COL25A1: variants seen among roughly 807,000 people sequenced by gnomAD.
COL25A1 encodes collagen alpha-1(XXV) chain.
Under a neutral mutation model 128.4 loss-of-function variants are expected in COL25A1, and 103 were observed. The ratio of observed to expected loss-of-function variants is 0.80; its 90% CI spans 0.68 to 0.94. COL25A1 has a LOEUF of 0.94. Ranked by LOEUF, COL25A1 falls within the 40% of genes least tolerant of loss-of-function variation. COL25A1 has a pLI of 0.00. For missense variants in COL25A1, 745 were observed against 840.0 expected, an observed-to-expected ratio of 0.89 and a Z score of 1.40; for synonymous variants, 279 against 277.2, an observed-to-expected ratio of 1.01 and a Z score of -0.06.
chr4:108,977,756 A>C (rs1212025187), intron 6 of COL25A1, among the ~76,000 whole-genome samples: 1 of 152,236 alleles, frequency 6.6e-6, no homozygotes, highest in Non-Finnish European at 1.5e-5. Context: ...GAAGCTAAAT[A>C]GCCTAGTGTC....
At chr4:108,921,668 T>C (rs1392370257) in intron 11 of COL25A1, among the ~76,000 whole-genome samples, 8 of 152,206 alleles carry the variant, frequency 5.3e-5, no homozygotes. Context: ...AAATATATAA[T>C]GTTTAGGAAC....
chr4:109,300,186 A>C (rs113039804), intron 3 of COL25A1, among the ~76,000 whole-genome samples: 3,980 of 150,700 alleles, frequency 0.026, 92 homozygotes, highest in African/African-American at 0.062. Flanking sequence ...CAAAACAAAA[A>C]AAAAAAAAAA....
At chr4:109,033,586 A>G (rs1364870145) in intron 5 of COL25A1, among the ~76,000 whole-genome samples, 2 of 152,238 alleles carry the variant, frequency 1.3e-5, no homozygotes, top group African/African-American at 4.8e-5. Context: ...GTCCTGAGGA[A>G]TGGAATTTTA....
intron 3 of COL25A1, among the ~76,000 whole-genome samples, chr4:109,255,174 T>C (rs1053996282): frequency 1.3e-5 from 2 of 152,184 alleles, no homozygotes; most frequent in African/African-American, 4.8e-5. Context: ...ACAATATGAA[T>C]ATGAATTTGT....
At position 109,232,340 on chromosome 4, in the gene COL25A1, T is replaced by A. The variant is rs150075116; in HGVS notation, c.367+68243A>T. On this transcript the variant is annotated intron_variant, in intron 3 of 37. Coordinates refer to ENST00000399132, the MANE Select transcript of COL25A1 (RefSeq NM_198721.4). ...AAGATAGTTCGTATTACTATTTCAG[T>A]CAATAAAAATTACAAGATGACTTTA... Among the ~76,000 whole-genome samples the A allele has an allele frequency of 5.1e-4, 60 of 117,282 alleles. 1 individual carries two copies. The highest frequency in any genetic ancestry group is 2.1e-3 in the African/African-American group (58 of 28,072). The allele number at this position is 117,282 out of a possible 152,430, so 76.9% of individuals were successfully genotyped here.
At chr4:109,173,741 A>T (rs1184439983) in intron 3 of COL25A1, among the ~76,000 whole-genome samples, 3 of 152,160 alleles carry the variant, frequency 2.0e-5, no homozygotes, top group African/African-American at 7.2e-5. Context: ...TCAAAAACAT[A>T]ATTATTGTCA....
chr4:109,086,576 GTCTATTC>G (rs1659329047), intron 3 of COL25A1, among the ~76,000 whole-genome samples: 1 of 152,192 alleles, frequency 6.6e-6, no homozygotes, highest in African/African-American at 2.4e-5. Context: ...AAGCTCTGTA[GTCTATTC>G]TCTAATCAGC....
At chr4:108,890,604 C>T (rs950866319) in intron 16 of COL25A1, among the ~76,000 whole-genome samples, 4 of 152,076 alleles carry the variant, frequency 2.6e-5, no homozygotes, top group Non-Finnish European at 5.9e-5. Context: ...TCCTTCTAGC[C>T]CTCTCTGTCT....
intron 3 of COL25A1, among the ~76,000 whole-genome samples, chr4:109,281,774 A>C (rs2126275631): frequency 6.6e-6 from 1 of 152,336 alleles, no homozygotes; most frequent in East Asian, 1.9e-4. Flanking sequence ...ATCATTTTGA[A>C]GAAAACTGGT....
intron 3 of COL25A1, among the ~76,000 whole-genome samples, chr4:109,120,954 A>C (rs1768056415): frequency 6.6e-6 from 1 of 152,194 alleles, no homozygotes; most frequent in Non-Finnish European, 1.5e-5. Flanking sequence ...ATCAAAGAAG[A>C]ACCAAATAAA....
chr4:108,885,656 CT>C (rs1422339653), intron 18 of COL25A1, among the ~76,000 whole-genome samples: 8 of 152,038 alleles, frequency 5.3e-5, no homozygotes, highest in Non-Finnish European at 1.2e-4. Context: ...GTAAAAAGAG[CT>C]TGTACATATT....
At chr4:109,251,718 G>A (rs1456659041) in intron 3 of COL25A1, among the ~76,000 whole-genome samples, 2 of 152,188 alleles carry the variant, frequency 1.3e-5, no homozygotes, top group African/African-American at 4.8e-5. Context: ...AGAGCATAAG[G>A]TCATGGGAAC....
At chr4:109,262,025 C>A (rs1381855441) in intron 3 of COL25A1, among the ~76,000 whole-genome samples, 1 of 151,810 alleles carries the variant, frequency 6.6e-6, no homozygotes, top group Non-Finnish European at 1.5e-5. Context: ...TCATCCTTGT[C>A]CCACGTTGTT....
chr4:108,853,342 C>A (rs1736039903), intron 24 of COL25A1, among the ~76,000 whole-genome samples: 1 of 151,684 alleles, frequency 6.6e-6, no homozygotes, highest in African/African-American at 2.4e-5. Context: ...TTTTAGTCTG[C>A]AGCTCATTTG....
At chr4:109,139,711 T>C (rs568593844) in intron 3 of COL25A1, among the ~76,000 whole-genome samples, 16 of 152,166 alleles carry the variant, frequency 1.1e-4, no homozygotes, top group Non-Finnish European at 2.4e-4. Flanking sequence ...TTAGGGTACA[T>C]GTGCACAATG....
chr4:109,028,036 A>T (rs905843332), intron 5 of COL25A1, among the ~76,000 whole-genome samples: 1 of 152,236 alleles, frequency 6.6e-6, no homozygotes. Flanking sequence ...CCATGAGATT[A>T]TATGAGATCA....
intron 3 of COL25A1, among the ~76,000 whole-genome samples, chr4:109,231,582 A>G (rs1410725917): frequency 6.6e-6 from 1 of 152,192 alleles, no homozygotes; most frequent in African/African-American, 2.4e-5. Flanking sequence ...GATGAAATCA[A>G]ACAAGGCCAT....
At chr4:108,941,189 T>C (rs1182213800) in intron 9 of COL25A1, among the ~76,000 whole-genome samples, 177 bp downstream of exon 9, 3 of 152,214 alleles carry the variant, frequency 2.0e-5, no homozygotes, top group Non-Finnish European at 4.4e-5. Flanking sequence ...TGGTAATTTA[T>C]CTAACATTTC....
intron 3 of COL25A1, among the ~76,000 whole-genome samples, chr4:109,115,878 A>T (rs999148600): frequency 1.3e-5 from 2 of 151,986 alleles, no homozygotes; most frequent in Non-Finnish European, 2.9e-5. Context: ...TGCACATGAA[A>T]CACCCCCTGC....
Sources: allele counts gnomAD v4.1 joint callset (sites outside exome capture counted in the v4.1 genomes callset), GRCh38; gene constraint gnomAD v4.1.1; transcripts MANE v1.5; gene names NCBI Gene and HGNC (gene_info 2026-07-23, HGNC 2026-07-21).